The following OSBPL8 variants were observed in gnomAD, a reference collection of about 807,000 sequenced individuals.
The protein encoded by OSBPL8 is oxysterol-binding protein-related protein 8.
Under a neutral mutation model 125.5 loss-of-function variants are expected in OSBPL8, and 59 were observed. That is an observed-to-expected ratio of 0.47 (90% CI 0.38 to 0.58). The LOEUF (loss-of-function observed/expected upper bound fraction) is 0.58, where lower values mean the gene tolerates loss of function less well. Among genes scored for constraint, OSBPL8 ranks in the 20% least tolerant of loss-of-function variants. The pLI is 0.00. For missense variants in OSBPL8, 758 were observed against 1,047.8 expected, an observed-to-expected ratio of 0.72 and a Z score of 3.82; for synonymous variants, 330 against 338.9, an observed-to-expected ratio of 0.97 and a Z score of 0.29.
At chr12:76,411,316 G>A (rs1954505722) in intron 4 of OSBPL8, among the ~76,000 whole-genome samples, 1 of 152,100 alleles carries the variant, frequency 6.6e-6, no homozygotes, top group South Asian at 2.1e-4. Flanking sequence ...ATTATATTGA[G>A]ACTTGTGTGG....
intron 1 of OSBPL8, among the ~76,000 whole-genome samples, chr12:76,522,103 A>AT (rs1882119046): frequency 6.6e-6 from 1 of 152,174 alleles, no homozygotes; most frequent in Non-Finnish European, 1.5e-5. Flanking sequence ...TAATACTGTG[A>AT]TCCCCTTCCA....
intron 2 of OSBPL8, among the ~76,000 whole-genome samples, chr12:76,466,796 T>C (rs1200177757): frequency 2.0e-5 from 3 of 151,936 alleles, no homozygotes; most frequent in East Asian, 3.9e-4. Context: ...TCGTATCTAC[T>C]AAAAATACAA....
At chr12:76,502,390 G>C (rs928350320) in intron 1 of OSBPL8, among the ~76,000 whole-genome samples, 3 of 152,146 alleles carry the variant, frequency 2.0e-5, no homozygotes, top group Non-Finnish European at 2.9e-5. Flanking sequence ...CACTGAACTC[G>C]AAGTTAAGAC....
intron 3 of OSBPL8, among the ~76,000 whole-genome samples, chr12:76,459,169 T>C (rs1874406841): frequency 6.6e-6 from 1 of 152,160 alleles, no homozygotes; most frequent in Admixed American, 6.5e-5. Context: ...TAATGCTTCA[T>C]TAGATAATTT....
At chr12:76,498,018 A>C (rs1879459779) in intron 1 of OSBPL8, among the ~76,000 whole-genome samples, 1 of 152,214 alleles carries the variant, frequency 6.6e-6, no homozygotes. Flanking sequence ...ATATGGATGC[A>C]TTTTCAGTGA....
intron 4 of OSBPL8, among the ~76,000 whole-genome samples, chr12:76,413,498 G>A (rs1380560978): frequency 6.6e-6 from 1 of 152,156 alleles, no homozygotes; most frequent in Non-Finnish European, 1.5e-5. Context: ...ACACCTCTAA[G>A]TTTCTCTAAG....
chr12:76,382,440 G>A (rs1431498941), intron 15 of OSBPL8, among the ~76,000 whole-genome samples: 1 of 152,046 alleles, frequency 6.6e-6, no homozygotes, highest in Non-Finnish European at 1.5e-5. Flanking sequence ...GTTGTAAGGG[G>A]TTGTTCTGTG....
intron 21 of OSBPL8, among the ~76,000 whole-genome samples, chr12:76,360,041 A>G (rs1483064473): frequency 6.6e-6 from 1 of 152,180 alleles, no homozygotes; most frequent in Non-Finnish European, 1.5e-5. Flanking sequence ...TGCCTTCCCA[A>G]CAGTCCCCCA....
rs1428163934 is a variant in OSBPL8, at chr12:76,450,851, C to A, written c.217G>T (p.Gly73Cys). ...SLSPASPHSQGFERGKEDISQ... is the reference protein window; with the variant it reads ...SLSPASPHSQCFERGKEDISQ... The stretch of plus-strand genomic sequence containing the variant: ...AAACATGAAAACCACAACTTCCTAC[C>A]CTGGCTATGAGGACTTGCTGGACTA... Residue 73 changes from glycine (G) to cysteine (C), a missense_variant and splice_region_variant, in exon 4 of 24, where the codon GGT (glycine) becomes TGT (cysteine). By Grantham distance (159) the Gly-to-Cys change is radical. This residue lies in a region of OSBPL8 where 117 missense variants were observed against 137.1 expected (regional missense o/e 0.85). Transcript: ENST00000261183. 6.2e-7 allele frequency: 1 copy of A among 1,605,870 alleles called. No individual in the cohort carries two copies.
At chr12:76,445,788 G>A (rs1333708957) in intron 4 of OSBPL8, among the ~76,000 whole-genome samples, 1 of 152,084 alleles carries the variant, frequency 6.6e-6, no homozygotes, top group East Asian at 1.9e-4. Context: ...AAAATGGCTT[G>A]GCCATTTCTT....
At chr12:76,414,998 G>A (rs78613438) in intron 4 of OSBPL8, among the ~76,000 whole-genome samples, 24,245 of 152,008 alleles carry the variant, frequency 0.16, 2,256 homozygotes, top group Middle Eastern at 0.24. Context: ...AAAAGATATT[G>A]CTACTACCAT....
At chr12:76,446,448 A>G (rs1872728635) in intron 4 of OSBPL8, among the ~76,000 whole-genome samples, 2 of 152,158 alleles carry the variant, frequency 1.3e-5, no homozygotes, top group Non-Finnish European at 2.9e-5. Flanking sequence ...TACATCTACT[A>G]TGTAATTTAC....
Position 76,378,464 on chromosome 12 carries a change from C to T in OSBPL8, c.1717G>A (p.Ala573Thr), listed in dbSNP as rs895298688. 1.9e-6 allele frequency: 3 copies of T among 1,582,856 alleles called. No homozygotes were observed. Among genetic ancestry groups the T allele is most frequent in the Admixed American group, 1.7e-5 (1 of 58,702 alleles). The change falls in exon 16 of 24, where the codon GCT (alanine) becomes ACT (threonine). Residue 573 changes from alanine (A) to threonine (T), a missense_variant. Physicochemically the swap from Ala to Thr is moderately conservative, Grantham distance 58 (BLOSUM62 0). Coordinates refer to ENST00000261183, the MANE Select transcript of OSBPL8 (RefSeq NM_020841.5). ...GEDYVMTMPY[A>T]HCKGILYGTM... The stretch of plus-strand genomic sequence containing the variant: ...AGAAAATATTTACCTTTACAATGAG[C>T]GTATGGCATTGTCATTACATAATCT...
rs930271274 is a variant in OSBPL8, at chr12:76,354,831, A to G, written c.*1058T>C. The G allele has an allele frequency of 6.6e-6, 1 of 152,020 alleles. No homozygotes were observed. The highest frequency in any genetic ancestry group is 1.5e-5 in the Non-Finnish European group (1 of 67,866). 9.4% of individuals were successfully genotyped at this position (152,020 alleles called of 1,614,324 possible). A position where few individuals can be genotyped will look rare whatever the true frequency, so the allele number is the denominator to read the frequency against. ...GATACTCTTCGTAGATACTCAACTT[A>G]TTACACGTTTTACAGAAACCAATTT... On this transcript the variant is annotated 3_prime_UTR_variant, in exon 24 of 24. Coordinates refer to ENST00000261183, the MANE Select transcript of OSBPL8 (RefSeq NM_020841.5).
intron 4 of OSBPL8, among the ~76,000 whole-genome samples, chr12:76,426,029 G>A (rs1870110276): frequency 6.6e-6 from 1 of 152,136 alleles, no homozygotes; most frequent in Non-Finnish European, 1.5e-5. Flanking sequence ...AAATAAGCAG[G>A]AGGCCAATGG....
intron 1 of OSBPL8, among the ~76,000 whole-genome samples, chr12:76,521,475 T>TA (rs751094801): frequency 2.6e-5 from 4 of 152,108 alleles, no homozygotes; most frequent in Non-Finnish European, 5.9e-5. Context: ...GAAATGAAAG[T>TA]AGAGTCTTGA....
intron 1 of OSBPL8, among the ~76,000 whole-genome samples, chr12:76,493,108 G>A (rs1352240234): frequency 1.3e-5 from 2 of 152,160 alleles, no homozygotes; most frequent in Non-Finnish European, 2.9e-5. Flanking sequence ...CAGCATGGCT[G>A]TGAGCAAGTC....
chr12:76,467,451 A>G, intron 2 of OSBPL8, among the ~76,000 whole-genome samples: 1 of 152,202 alleles, frequency 6.6e-6, no homozygotes, highest in East Asian at 1.9e-4. Flanking sequence ...TAGTTCTAAA[A>G]TTATGTTAAC....
At chr12:76,502,108 T>C (rs1008286478) in intron 1 of OSBPL8, among the ~76,000 whole-genome samples, 3 of 152,192 alleles carry the variant, frequency 2.0e-5, no homozygotes, top group African/African-American at 7.2e-5. Context: ...AACTCAATTG[T>C]AGCATCAGCT....
Sources: gnomAD v4.1 joint callset for allele counts (sites outside exome capture counted in the v4.1 genomes callset) on GRCh38, gnomAD v4.1.1 for gene constraint, gnomAD v4.1.1 regional missense constraint, MANE v1.5 for transcripts, NCBI Gene and HGNC (gene_info 2026-07-23, HGNC 2026-07-21) for gene names.